The following SPTBN1 variants were observed in gnomAD, a reference collection of about 807,000 sequenced individuals.
The protein encoded by SPTBN1 is spectrin beta chain, non-erythrocytic 1.
A neutral mutation model predicts 266.4 loss-of-function variants in SPTBN1; 32 were observed. That is an observed-to-expected ratio of 0.12 (90% CI 0.09 to 0.16). The LOEUF is 0.16. SPTBN1 is among the 10% of genes least tolerant of loss of function. The pLI is 1.00. For missense variants in SPTBN1, 2,296 were observed against 3,067.1 expected (o/e 0.75, Z 5.94); for synonymous variants, 1,336 against 1,162.2 (o/e 1.15, Z -3.04).
chr2:54,618,878 CTG>C (rs1230193460), intron 7 of SPTBN1, among the ~76,000 whole-genome samples: 1 of 152,222 alleles, frequency 6.6e-6, no homozygotes, highest in Non-Finnish European at 1.5e-5. Flanking sequence ...CCTCTTTACT[CTG>C]TGAGTCCCTG....
chr2:54,566,682 T>G (rs1673687428), intron 2 of SPTBN1, among the ~76,000 whole-genome samples: 1 of 151,882 alleles, frequency 6.6e-6, no homozygotes, highest in South Asian at 2.1e-4. Context: ...AATACAAAAA[T>G]TACCTGGGCA....
rs1292582340 is a variant in SPTBN1, at chr2:54,645,488, A to T, written c.4494+35A>T. On this transcript the variant is annotated intron_variant, in intron 21 of 35. Transcript: ENST00000356805. The surrounding 1 kb of genome is among the most constrained non-coding windows in gnomAD (Gnocchi z 4.3). ...CCCCTACTGCACACATGGCTTTTCC[A>T]CGAGCCCCCTTGCCTGTGCTAAAGC... 6.2e-7 allele frequency: 1 copy of T among 1,603,878 alleles called. No homozygotes were observed.
At chr2:54,482,385 C>CT (rs1668145167) in intron 1 of SPTBN1, among the ~76,000 whole-genome samples, 1 of 150,268 alleles carries the variant, frequency 6.7e-6, no homozygotes, top group Non-Finnish European at 1.5e-5. Flanking sequence ...AAATTAGAAA[C>CT]AATTAGAGAA....
At chr2:54,654,015 CG>C (rs1389364802) in intron 27 of SPTBN1, among the ~76,000 whole-genome samples, 162 bp downstream of exon 27, 3 of 152,166 alleles carry the variant, frequency 2.0e-5, no homozygotes, top group Admixed American at 2.0e-4. Context: ...CTGCTTGCCT[CG>C]TGCACTTGGC....
chr2:54,591,193 A>G (rs577894648), intron 2 of SPTBN1, among the ~76,000 whole-genome samples: 2 of 152,206 alleles, frequency 1.3e-5, no homozygotes, highest in African/African-American at 4.8e-5. Context: ...GTTCTAGGTA[A>G]AGTATGCACT....
In SPTBN1 at chr2:54,632,797, C is replaced by T. The variant is rs188773327; in HGVS notation, c.3767+29C>T. 990 of 1,609,078 alleles carry T rather than the reference C, an allele frequency of 6.2e-4. 12 individuals are homozygous for T. Among genetic ancestry groups the T allele is most frequent in the Non-Finnish European group, 5.6e-5 (66 of 1,176,868 alleles). On this transcript the variant is annotated intron_variant, in intron 17 of 35. Coordinates refer to ENST00000356805, the MANE Select transcript of SPTBN1 (RefSeq NM_003128.3). The stretch of plus-strand genomic sequence containing the variant: ...CAGTTTTCTGAGGTTCTTAAGGGAG[C>T]CTTGCACCTTGGGGCTCTCAAACTT...
chr2:54,542,687 G>T (rs1329959901), intron 2 of SPTBN1, among the ~76,000 whole-genome samples: 6 of 152,158 alleles, frequency 3.9e-5, no homozygotes, highest in Non-Finnish European at 8.8e-5. Context: ...TTCCAGGGAA[G>T]AAACAAGGCC....
chr2:54,656,958 C>G (rs993500455), intron 29 of SPTBN1, among the ~76,000 whole-genome samples: 2 of 152,204 alleles, frequency 1.3e-5, no homozygotes, highest in African/African-American at 4.8e-5. Flanking sequence ...GAGGTGGCAT[C>G]TTCTTCATGT....
chr2:54,661,051 C>T, intron 32 of SPTBN1: 1 of 985,414 alleles, frequency 1.0e-6, no homozygotes, highest in Non-Finnish European at 1.2e-6. Flanking sequence ...TCGCATGCCC[C>T]CTGGCTTCAG....
chr2:54,633,395 A>T (rs1235281659), intron 17 of SPTBN1, among the ~76,000 whole-genome samples: 1 of 150,750 alleles, frequency 6.6e-6, no homozygotes, highest in Non-Finnish European at 1.5e-5. Context: ...GTTTAAAATT[A>T]TTTTTTTATT....
intron 17 of SPTBN1, among the ~76,000 whole-genome samples, chr2:54,636,123 C>G (rs961882902): frequency 2.6e-5 from 4 of 152,066 alleles, no homozygotes; most frequent in African/African-American, 7.3e-5. Context: ...TAACCCATGC[C>G]TTGGAGTTTT....
chr2:54,462,404 C>T (rs188442363), intron 1 of SPTBN1, among the ~76,000 whole-genome samples: 1 of 152,204 alleles, frequency 6.6e-6, no homozygotes, highest in Admixed American at 6.5e-5. Context: ...TACTAGAAAC[C>T]CTTATCAGTT....
intron 2 of SPTBN1, among the ~76,000 whole-genome samples, chr2:54,590,932 T>C (rs112886572): frequency 0.027 from 4,067 of 152,256 alleles, 178 homozygotes; most frequent in African/African-American, 0.09. Context: ...ATGGCTATGG[T>C]AGTGATGTTT....
intron 1 of SPTBN1, among the ~76,000 whole-genome samples, chr2:54,472,101 C>G (rs1693959157): frequency 7.6e-6 from 1 of 131,080 alleles, no homozygotes; most frequent in Non-Finnish European, 1.5e-5. Context: ...GATCTTGGCT[C>G]ACTGCAAGCT....
chr2:54,544,960 T>A (rs1672152706), intron 2 of SPTBN1, among the ~76,000 whole-genome samples: 1 of 152,138 alleles, frequency 6.6e-6, no homozygotes, highest in Non-Finnish European at 1.5e-5. Flanking sequence ...CAGGGTGTGA[T>A]GTTCCCCGCC....
intron 2 of SPTBN1, among the ~76,000 whole-genome samples, chr2:54,596,640 G>A (rs1358328063): frequency 1.3e-5 from 2 of 152,156 alleles, no homozygotes; most frequent in Non-Finnish European, 2.9e-5. Flanking sequence ...TCGAAGGGAG[G>A]GGAACAGGAA....
intron 2 of SPTBN1, among the ~76,000 whole-genome samples, chr2:54,578,693 AC>A (rs563719418): frequency 1.9e-3 from 285 of 152,096 alleles, no homozygotes; most frequent in Non-Finnish European, 3.1e-3. Flanking sequence ...TATTATTTAT[AC>A]CCTGCCCACT....
intron 11 of SPTBN1, among the ~76,000 whole-genome samples, chr2:54,625,295 G>A (rs1291845493): frequency 1.3e-5 from 2 of 152,176 alleles, no homozygotes; most frequent in Non-Finnish European, 2.9e-5. Context: ...CAGTTAGACT[G>A]GTTGTGAAAT....
chr2:54,513,454 T>G (rs1406550435), intron 1 of SPTBN1, among the ~76,000 whole-genome samples: 1 of 152,230 alleles, frequency 6.6e-6, no homozygotes, highest in African/African-American at 2.4e-5. Flanking sequence ...GCTCCTGTGT[T>G]GTTCAGGCAC....
Sources: gnomAD v4.1 joint callset for allele counts (sites outside exome capture counted in the v4.1 genomes callset) on GRCh38, gnomAD v4.1.1 for gene constraint, Gnocchi (gnomAD v3.1) non-coding constraint, MANE v1.5 for transcripts, NCBI Gene and HGNC (gene_info 2026-07-23, HGNC 2026-07-21) for gene names.